Variants in FHAD1 observed in about 807,000 individuals in gnomAD.
FHAD1 encodes the protein forkhead associated phosphopeptide binding domain 1.
In FHAD1, 146 loss-of-function variants were observed where a neutral mutation model predicts 191.3. The ratio of observed to expected loss-of-function variants is 0.76; its 90% CI spans 0.67 to 0.88. The LOEUF is 0.88. Ranked by LOEUF, FHAD1 falls within the 40% of genes least tolerant of loss-of-function variation. The probability of loss-of-function intolerance (pLI) is 0.00; values close to 1 mark genes in which losing one functional copy is unlikely to be tolerated. For synonymous variants in FHAD1, 616 were observed against 672.3 expected (o/e 0.92, Z 1.29); for missense variants, 1,635 against 1,785.8 (o/e 0.92, Z 1.52).
intron 19 of FHAD1, among the ~76,000 whole-genome samples, chr1:15,351,243 G>C (rs994740720): frequency 6.6e-6 from 1 of 152,160 alleles, no homozygotes; most frequent in East Asian, 1.9e-4. Context: ...TGCTCGGGAG[G>C]CTGAGGCAGG....
chr1:15,336,658 C>T lies in FHAD1; in HGVS notation c.1907-2823C>T, dbSNP rs114252988. On this transcript the variant is annotated intron_variant, in intron 14 of 33. Transcript: ENST00000688493. Reference sequence around the variant, plus strand: ...CTGGAATCCATCGCTTCTTTCGCTCCTTTTCAATTGCTCTTACTCCTGTCT... The same window carrying T: ...CTGGAATCCATCGCTTCTTTCGCTCTTTTTCAATTGCTCTTACTCCTGTCT... Among the ~76,000 whole-genome samples the T allele has an allele frequency of 4.4e-3, 674 of 152,318 alleles. 3 individuals are homozygous for T. Among genetic ancestry groups the T allele is most frequent in the Non-Finnish European group, 7.7e-3 (526 of 68,044 alleles).
chr1:15,305,784 A>G (rs1174383982), intron 6 of FHAD1: 1 of 447,702 alleles, frequency 2.2e-6, no homozygotes, highest in Non-Finnish European at 4.5e-6. Flanking sequence ...TTCGCCTCCC[A>G]CCATGATTCT....
downstream of FHAD1, among the ~76,000 whole-genome samples, chr1:15,400,575 C>A (rs1707077082): frequency 6.6e-6 from 1 of 152,164 alleles, no homozygotes; most frequent in Non-Finnish European, 1.5e-5. Flanking sequence ...TTAGTTGTCA[C>A]AACGAAGGAA....
intron 19 of FHAD1, 88 bp from the exon 20 acceptor site, chr1:15,352,789 C>A: frequency 1.0e-6 from 1 of 960,460 alleles, no homozygotes; most frequent in Non-Finnish European, 1.6e-6. Context: ...GACTTGGTGG[C>A]TTCCACGGTG....
At chr1:15,308,438 C>T (rs1204757791) in intron 6 of FHAD1, among the ~76,000 whole-genome samples, 175 bp from the exon 7 acceptor site, 1 of 152,164 alleles carries the variant, frequency 6.6e-6, no homozygotes, top group East Asian at 1.9e-4. Flanking sequence ...AGTGGTGGTC[C>T]TTGAAGGAAC....
In FHAD1 at chr1:15,311,761, T is replaced by C. The variant is rs1672343573; in HGVS notation, c.1040-1296T>C. Reference sequence around the variant, plus strand: ...CCCTTCTTCTCACTTTTTCTCAATGTGATAATACAATAATATATTGACTAT... The same window carrying C: ...CCCTTCTTCTCACTTTTTCTCAATGCGATAATACAATAATATATTGACTAT... On this transcript the variant is annotated intron_variant, in intron 7 of 33. Transcript: ENST00000688493. This position sits in a 1 kb window ranked among gnomAD's most constrained non-coding sequence, Gnocchi z 4.1. Among the ~76,000 whole-genome samples, 1 of 152,236 alleles carries C rather than the reference T, an allele frequency of 6.6e-6. No individual in the cohort carries two copies. Among genetic ancestry groups the C allele is most frequent in the Non-Finnish European group, 1.5e-5 (1 of 68,048 alleles).
At chr1:15,301,145 T>C (rs944953257) in intron 5 of FHAD1, 60 bp from the exon 6 acceptor site, 7 of 1,459,862 alleles carry the variant, frequency 4.8e-6, no homozygotes, top group Non-Finnish European at 5.6e-6. Flanking sequence ...TTTTTTTTAA[T>C]GGGCTCAGCC....
intron 31 of FHAD1, among the ~76,000 whole-genome samples, chr1:15,385,083 C>A (rs1701800631): frequency 6.6e-6 from 1 of 151,212 alleles, no homozygotes; most frequent in Non-Finnish European, 1.5e-5. Flanking sequence ...TTGTGACTAA[C>A]ATGTCATCAG....
At chr1:15,322,218 G>A (rs1676562200) in intron 10 of FHAD1, among the ~76,000 whole-genome samples, 1 of 152,010 alleles carries the variant, frequency 6.6e-6, no homozygotes, top group Non-Finnish European at 1.5e-5. Flanking sequence ...TAGGCAGTGG[G>A]GAGCTACTGA....
chr1:15,245,394 GTTGT>G (rs994258054), upstream of FHAD1, among the ~76,000 whole-genome samples: 1 of 151,556 alleles, frequency 6.6e-6, no homozygotes. Context: ...GCTCTTTTTT[GTTGT>G]TTATTAGATT....
At chr1:15,371,854 C>T (rs1281210438) in intron 26 of FHAD1, among the ~76,000 whole-genome samples, 3 of 152,192 alleles carry the variant, frequency 2.0e-5, no homozygotes, top group Non-Finnish European at 4.4e-5. Flanking sequence ...TCCCTCTCAC[C>T]GCTGCTGAGC....
Position 15,313,100 on chromosome 1 carries a change from GC to G in FHAD1, c.1084del (p.Gln362LysfsTer5). On this transcript the variant is annotated frameshift_variant, in exon 8 of 34. Transcript: ENST00000688493. LOFTEE classifies it high-confidence loss of function. ...LQKDILAKDE[Q>X]VQQLKEEVSH... Reference sequence around the variant, plus strand: ...AAAAAGACATATTAGCAAAGGATGAGCAAGTTCAACAACTAAAGGAAGAGGT... The same window carrying G: ...AAAAAGACATATTAGCAAAGGATGAGAAGTTCAACAACTAAAGGAAGAGGT... The G allele has an allele frequency of 1.9e-6, 3 of 1,551,798 alleles. No individual in the cohort carries two copies. The highest frequency in any genetic ancestry group is 2.6e-6 in the Non-Finnish European group (3 of 1,147,014).
At chr1:15,398,412 C>T (rs1403804834), downstream of FHAD1, among the ~76,000 whole-genome samples, 1 of 152,156 alleles carries the variant, frequency 6.6e-6, no homozygotes, top group Non-Finnish European at 1.5e-5. Flanking sequence ...CCTCCCCCTG[C>T]CCCTGGGAGG....
rs1458177657 is a variant in FHAD1 at position 15,374,852 on chromosome 1, T to TTG, written c.3577+222_3577+223insGT. On this transcript the variant is annotated intron_variant, in intron 27 of 33. Coordinates refer to ENST00000688493, the MANE Select transcript of FHAD1 (RefSeq NM_001391957.1). ...ATGCATAACTCACTATTGTACGTTT[T>TTG]TTTTTTTGTTTGTTTTTTTTTTTTG... 4.0e-3 allele frequency among the ~76,000 whole-genome samples: 429 copies of TTG among 106,360 alleles called. 5 individuals are homozygous for TTG. The highest frequency in any genetic ancestry group is 0.019 in the African/African-American group (288 of 15,506). 69.8% of individuals were successfully genotyped at this position (106,360 alleles called of 152,430 possible).
At position 15,296,805 on chromosome 1, in the gene FHAD1, G is replaced by T; in HGVS notation, c.678+12G>T. 1 of 1,547,370 alleles carries T rather than the reference G, an allele frequency of 6.5e-7. No individual in the cohort carries two copies. Among genetic ancestry groups the T allele is most frequent in the Non-Finnish European group, 8.7e-7 (1 of 1,143,516 alleles). On this transcript the variant is annotated intron_variant, in intron 5 of 33. Coordinates refer to ENST00000688493, the MANE Select transcript of FHAD1 (RefSeq NM_001391957.1). ...CCCAGCAGGACAAGGTGAGGGAGGG[G>T]TCTGGGGAAGGGTGGAGCTGCAGCA... is the stretch of plus-strand genomic sequence containing the variant.
At chr1:15,368,678 G>A (rs910327977) in intron 25 of FHAD1, among the ~76,000 whole-genome samples, 3 of 152,182 alleles carry the variant, frequency 2.0e-5, no homozygotes, top group Admixed American at 6.5e-5. Context: ...AGTGGCTCAC[G>A]CCTGTAATCC....
intron 7 of FHAD1, among the ~76,000 whole-genome samples, chr1:15,310,844 G>A (rs1407226497): frequency 2.6e-5 from 4 of 152,156 alleles, no homozygotes; most frequent in Middle Eastern, 6.8e-3. Context: ...TGGTCATTGT[G>A]GCCACACAGT....
At chr1:15,305,013 T>G (rs1375278086) in intron 6 of FHAD1, among the ~76,000 whole-genome samples, 1 of 152,214 alleles carries the variant, frequency 6.6e-6, no homozygotes, top group Non-Finnish European at 1.5e-5. Context: ...CACGATGAGA[T>G]GATTAACAGG....
chr1:15,257,207 A>G (rs1045642735), intron 2 of FHAD1, among the ~76,000 whole-genome samples: 4 of 152,222 alleles, frequency 2.6e-5, no homozygotes, highest in Non-Finnish European at 4.4e-5. Flanking sequence ...TGGCATCGCC[A>G]CACTGCCCTC....
Sources: allele counts gnomAD v4.1 joint callset (sites outside exome capture counted in the v4.1 genomes callset), GRCh38; gene constraint gnomAD v4.1.1; non-coding constraint Gnocchi (gnomAD v3.1); transcripts MANE v1.5; gene names NCBI Gene and HGNC (gene_info 2026-07-23, HGNC 2026-07-21).